DMD: variants seen among roughly 807,000 people sequenced by gnomAD.
DMD encodes the protein mutant dystrophin.
A neutral mutation model predicts 330.1 loss-of-function variants in DMD; 63 were observed. That is an observed-to-expected ratio of 0.19 (90% CI 0.16 to 0.24). The LOEUF is 0.24. DMD is among the 10% of genes least tolerant of loss of function. DMD has a pLI of 1.00. For missense variants in DMD, 3,344 were observed against 2,684.1 expected (o/e 1.25, Z -5.43); for synonymous variants, 1,223 against 959.8 (o/e 1.27, Z -5.07).
intron 50 of DMD, among the ~76,000 whole-genome samples, chrX:31,800,533 G>A (rs2092015030): frequency 2.7e-5 from 3 of 112,114 alleles, no homozygotes; most frequent in African/African-American, 9.7e-5. Context: ...TGTGATGGGA[G>A]GGGCTGCCAT....
chrX:33,076,580 AAAAC>A (rs1202249901), intron 1 of DMD, among the ~76,000 whole-genome samples: 1 of 112,085 alleles, frequency 8.9e-6, no homozygotes, highest in East Asian at 2.8e-4. Flanking sequence ...CTGAAAAACA[AAAAC>A]AAACAAAAAT....
intron 60 of DMD, among the ~76,000 whole-genome samples, chrX:31,442,112 A>G (rs1211024631): frequency 8.9e-6 from 1 of 112,123 alleles, no homozygotes; most frequent in Non-Finnish European, 1.9e-5. Flanking sequence ...AAGGAGAAAT[A>G]TAATTTCAAC....
chrX:32,354,668 A>C (rs1293444125), intron 37 of DMD, among the ~76,000 whole-genome samples: 2 of 111,768 alleles, frequency 1.8e-5, no homozygotes, highest in East Asian at 5.6e-4. Context: ...CATTGGTTGC[A>C]TTCTTTTGAG....
intron 44 of DMD, among the ~76,000 whole-genome samples, chrX:32,214,879 C>T (rs1404424521): frequency 9.0e-6 from 1 of 111,661 alleles, no homozygotes; most frequent in African/African-American, 3.3e-5. Context: ...TCCAAAGAAG[C>T]AGTTAAACAA....
chrX:31,455,765 G>A (rs2066110913), intron 59 of DMD, among the ~76,000 whole-genome samples: 1 of 112,488 alleles, frequency 8.9e-6, no homozygotes, highest in African/African-American at 3.2e-5. Context: ...GAAAAAAAGA[G>A]GAAGTAGCCT....
At chrX:32,356,156 C>A (rs1210598182) in intron 37 of DMD, among the ~76,000 whole-genome samples, 2 of 109,413 alleles carry the variant, frequency 1.8e-5, no homozygotes, top group East Asian at 5.7e-4. Flanking sequence ...ATTTATTTCC[C>A]ACCGAAGTTT....
In DMD at chrX:32,342,051, T is replaced by C. The variant is rs769620999; in HGVS notation, c.5922+49A>G. On this transcript the variant is annotated intron_variant, in intron 41 of 78. Coordinates refer to ENST00000357033, the MANE Select transcript of DMD (RefSeq NM_004006.3). ...TTTTTTATTAGTAGGCCTCTGTTAA[T>C]AGAGTAGTAGTTGCAAACACATACG... 3.6e-5 allele frequency: 41 copies of C among 1,136,772 alleles called. No homozygotes were observed. The South Asian group carries it at 4.8e-4, about 13-fold the overall frequency. The allele number at this position is 1,136,772 out of a possible 1,213,427, so 93.7% of individuals were successfully genotyped here. A position where few individuals can be genotyped will look rare whatever the true frequency, so the allele number is the denominator to read the frequency against.
chrX:33,141,794 C>A (rs1304327692), intron 1 of DMD, among the ~76,000 whole-genome samples: 1 of 111,416 alleles, frequency 9.0e-6, no homozygotes, highest in African/African-American at 3.3e-5. Flanking sequence ...GTAAAACAAC[C>A]AAGCAGTGAA....
At chrX:32,718,808 T>C (rs1218067645) in intron 7 of DMD, among the ~76,000 whole-genome samples, 4 of 112,111 alleles carry the variant, frequency 3.6e-5, no homozygotes, top group Admixed American at 9.5e-5. Context: ...TAAAAGACTT[T>C]CCTTATTGCT....
intron 60 of DMD, among the ~76,000 whole-genome samples, chrX:31,396,352 T>C (rs1436261045): frequency 9.1e-6 from 1 of 110,480 alleles, no homozygotes; most frequent in Non-Finnish European, 1.9e-5. Flanking sequence ...TTAGCCAGGA[T>C]GGTCTCCATC....
intron 21 of DMD, among the ~76,000 whole-genome samples, chrX:32,482,202 A>T (rs2148558943): frequency 8.9e-6 from 1 of 111,752 alleles, no homozygotes; most frequent in South Asian, 3.7e-4. Context: ...TATCTACAAC[A>T]GACTAGATGC....
At chrX:32,788,204 ATAG>A (rs1423294059) in intron 7 of DMD, among the ~76,000 whole-genome samples, 5 of 112,110 alleles carry the variant, frequency 4.5e-5, no homozygotes, top group African/African-American at 1.6e-4. Context: ...AGTTAAGATA[ATAG>A]TAGAATTTCT....
intron 2 of DMD, among the ~76,000 whole-genome samples, chrX:32,937,842 G>A (rs1055570128): frequency 1.8e-5 from 2 of 110,777 alleles, no homozygotes; most frequent in African/African-American, 6.6e-5. Flanking sequence ...GATTTCTGGA[G>A]TAAAACAGGT....
intron 1 of DMD, among the ~76,000 whole-genome samples, chrX:33,183,312 C>T (rs2050085809): frequency 2.7e-5 from 3 of 111,311 alleles, no homozygotes; most frequent in Admixed American, 9.5e-5. Context: ...TTCTAAGTTT[C>T]GGTGATCAAT....
At chrX:32,783,229 C>T (rs150769420) in intron 7 of DMD, among the ~76,000 whole-genome samples, 2,661 of 94,995 alleles carry the variant, frequency 0.028, 82 homozygotes, top group African/African-American at 0.095. Flanking sequence ...TACGTGTATA[C>T]GTATATACAC....
chrX:31,362,316 G>A (rs2058981314), intron 60 of DMD, among the ~76,000 whole-genome samples: 1 of 112,115 alleles, frequency 8.9e-6, no homozygotes, highest in African/African-American at 3.2e-5. Context: ...GTACTGACAT[G>A]ACGTCACAAG....
At chrX:32,024,163 T>C (rs927318118) in intron 44 of DMD, among the ~76,000 whole-genome samples, 1 of 112,254 alleles carries the variant, frequency 8.9e-6, no homozygotes, top group Non-Finnish European at 1.9e-5. Context: ...AAAAGTATGA[T>C]GATCATGCAT....
At chrX:32,879,021 A>AAAAACAAAAAAAAAAC (rs1352069437) in intron 2 of DMD, among the ~76,000 whole-genome samples, 2 of 101,766 alleles carry the variant, frequency 2.0e-5, no homozygotes. Context: ...AAAAAAACAA[A>AAAAACAAAAAAAAAAC]AAACAAAAAA....
chrX:31,587,149 A>T (rs1026830661), intron 55 of DMD, among the ~76,000 whole-genome samples: 5 of 111,965 alleles, frequency 4.5e-5, no homozygotes, highest in African/African-American at 1.6e-4. Context: ...TCCTAAGGTG[A>T]CCATTAAGAA....
Sources: allele counts gnomAD v4.1 joint callset (sites outside exome capture counted in the v4.1 genomes callset), GRCh38; gene constraint gnomAD v4.1.1; transcripts MANE v1.5; gene names NCBI Gene and HGNC (gene_info 2026-07-23, HGNC 2026-07-21).